Variants in PLXDC2 observed in about 807,000 individuals in gnomAD.
PLXDC2 encodes the protein plexin domain containing 2, also known as plexin domain-containing protein 2.
In PLXDC2, 40 loss-of-function variants were observed where a neutral mutation model predicts 68.9. The ratio of observed to expected loss-of-function variants is 0.58; its 90% confidence interval spans 0.45 to 0.76. PLXDC2 has a LOEUF of 0.76. Among genes scored for constraint, PLXDC2 ranks in the 30% least tolerant of loss-of-function variants. The probability of loss-of-function intolerance (pLI) is 0.00; values close to 1 mark genes in which losing one functional copy is unlikely to be tolerated. For missense variants in PLXDC2, 644 were observed against 661.9 expected (o/e 0.97, Z 0.30); for synonymous variants, 243 against 234.2 (o/e 1.04, Z -0.34).
rs78789230 is a variant in PLXDC2, at chr10:20,052,128, T to G, written c.471+5113T>G. Reference sequence around the variant, plus strand: ...ATTGGTAATATTAACTAGTTTCCATTTGAAAAAAAATGCTATGTGAACTCC... The same window carrying G: ...ATTGGTAATATTAACTAGTTTCCATGTGAAAAAAAATGCTATGTGAACTCC... On this transcript the variant is annotated intron_variant, in intron 3 of 13. Transcript: ENST00000377252. Among the ~76,000 whole-genome samples the G allele has an allele frequency of 1.3e-3, 201 of 152,086 alleles. 5 individuals carry two copies. In the East Asian group the frequency reaches 0.031, roughly 23 times the overall value.
chr10:19,997,371 G>T (rs1290149950), intron 1 of PLXDC2, among the ~76,000 whole-genome samples: 1 of 152,180 alleles, frequency 6.6e-6, no homozygotes, highest in Non-Finnish European at 1.5e-5. Flanking sequence ...TCTGCTTTCA[G>T]TGAACAATCT....
intron 2 of PLXDC2, among the ~76,000 whole-genome samples, chr10:20,032,114 C>A (rs1835510237): frequency 6.6e-6 from 1 of 152,088 alleles, no homozygotes; most frequent in African/African-American, 2.4e-5. Context: ...AGCCACCATG[C>A]CTGGCCCAGA....
chr10:20,001,884 G>A lies in PLXDC2; in HGVS notation c.222G>A (p.Ala74=), dbSNP rs564245930. Residue 74 remains alanine (A), a synonymous_variant, in exon 2 of 14, where the codon GCG becomes GCA. Coordinates refer to ENST00000377252, the MANE Select transcript of PLXDC2 (RefSeq NM_032812.9). Reference sequence around the variant, plus strand: ...AAAGAAACTTGGACTTTCTCAAGGCGGTAGACACGAACCGAGCAAGCGTCG... The same window carrying A: ...AAAGAAACTTGGACTTTCTCAAGGCAGTAGACACGAACCGAGCAAGCGTCG... The part of the protein sequence containing the change: ...RWKRNLDFLK[A]VDTNRASVGQ... The A allele has an allele frequency of 1.3e-5, 21 of 1,613,812 alleles. No homozygotes were observed. The highest frequency in any genetic ancestry group is 9.3e-5 in the African/African-American group (7 of 74,900).
At chr10:20,104,778 T>A (rs979010008) in intron 4 of PLXDC2, among the ~76,000 whole-genome samples, 22 of 151,826 alleles carry the variant, frequency 1.4e-4, no homozygotes, top group African/African-American at 4.6e-4. Flanking sequence ...TCAGGCCGGG[T>A]GTGGTGTCTC....
intron 4 of PLXDC2, among the ~76,000 whole-genome samples, chr10:20,106,126 A>T (rs751639929): frequency 3.9e-5 from 6 of 152,228 alleles, no homozygotes; most frequent in Non-Finnish European, 7.3e-5. Context: ...TGTTAACCAC[A>T]TTCATTTCCA....
chr10:20,280,077 T>C lies in PLXDC2; in HGVS notation c.*258T>C. On this transcript the variant is annotated 3_prime_UTR_variant, in exon 14 of 14. Coordinates refer to ENST00000377252, the MANE Select transcript of PLXDC2 (RefSeq NM_032812.9). ...TCATCTATAGTTCACTCGGAACATC[T>C]CCCGTGGACTTATCTGAAGTATGAC... 2.7e-6 allele frequency: 1 copy of C among 375,982 alleles called. No homozygotes were observed. The allele number at this position is 375,982 out of a possible 1,614,324, so 23.3% of individuals were successfully genotyped here.
At chr10:20,138,632 G>A (rs748348612) in intron 4 of PLXDC2, among the ~76,000 whole-genome samples, 4 of 152,188 alleles carry the variant, frequency 2.6e-5, no homozygotes, top group South Asian at 4.1e-4. Context: ...ATACATGAAG[G>A]TTGGGTGCAG....
rs532368764 is a variant in PLXDC2, at chr10:20,122,381, G to A, written c.542-20914G>A. ...GTGAGTTACCTGAAGCTCAGCGTCC[G>A]TGATGGTCTAGGGGGCTTTCGAGGC... On this transcript the variant is annotated intron_variant, in intron 4 of 13. Coordinates refer to ENST00000377252, the MANE Select transcript of PLXDC2 (RefSeq NM_032812.9). 1.1e-4 allele frequency among the ~76,000 whole-genome samples: 16 copies of A among 152,304 alleles called. No individual in the cohort carries two copies. In the East Asian group the frequency reaches 2.7e-3, roughly 26 times the overall value.
At chr10:19,835,587 A>C (rs1589491933) in intron 1 of PLXDC2, among the ~76,000 whole-genome samples, 1 of 152,110 alleles carries the variant, frequency 6.6e-6, no homozygotes, top group Non-Finnish European at 1.5e-5. Flanking sequence ...GGTGATGGGA[A>C]CCAGCCAGTG....
chr10:20,018,352 ACTT>A (rs1294972573), intron 2 of PLXDC2, among the ~76,000 whole-genome samples: 1 of 152,164 alleles, frequency 6.6e-6, no homozygotes, highest in Non-Finnish European at 1.5e-5. Flanking sequence ...TATATTCCAG[ACTT>A]CTTCTCTACT....
At chr10:19,840,382 C>G (rs1038853128) in intron 1 of PLXDC2, among the ~76,000 whole-genome samples, 3 of 152,000 alleles carry the variant, frequency 2.0e-5, no homozygotes, top group Non-Finnish European at 4.4e-5. Context: ...GCTATCTGGT[C>G]CAATCTCTTC....
chr10:19,927,674 C>G (rs1328205053), intron 1 of PLXDC2, among the ~76,000 whole-genome samples: 1 of 130,350 alleles, frequency 7.7e-6, no homozygotes, highest in Non-Finnish European at 1.5e-5. Context: ...GCACGCCAGC[C>G]TGGGTGACAG....
intron 6 of PLXDC2, among the ~76,000 whole-genome samples, chr10:20,154,304 C>A (rs921545857): frequency 4.6e-5 from 7 of 152,190 alleles, no homozygotes; most frequent in African/African-American, 1.4e-4. Flanking sequence ...GTGGCTCACG[C>A]CTGTGATCCC....
At chr10:20,130,074 G>A (rs1175877551) in intron 4 of PLXDC2, among the ~76,000 whole-genome samples, 2 of 151,268 alleles carry the variant, frequency 1.3e-5, no homozygotes, top group Non-Finnish European at 2.9e-5. Flanking sequence ...GATAAGAATT[G>A]CATTTAATAT....
chr10:20,151,531 A>T (rs1445844042), intron 6 of PLXDC2, among the ~76,000 whole-genome samples: 1 of 152,166 alleles, frequency 6.6e-6, no homozygotes, highest in African/African-American at 2.4e-5. Flanking sequence ...ATAAATCCAG[A>T]ATTTAATTTG....
intron 3 of PLXDC2, among the ~76,000 whole-genome samples, chr10:20,055,371 G>T (rs1163511515): frequency 6.6e-6 from 1 of 151,996 alleles, no homozygotes; most frequent in Non-Finnish European, 1.5e-5. Context: ...GCTGTTTATG[G>T]CGACTTTAGT....
intron 4 of PLXDC2, among the ~76,000 whole-genome samples, chr10:20,133,953 C>T (rs1052639407): frequency 6.6e-6 from 1 of 152,138 alleles, no homozygotes; most frequent in East Asian, 1.9e-4. Flanking sequence ...TGTCTTCAAG[C>T]TTGCTGATTC....
At chr10:19,987,581 C>T (rs1200207282) in intron 1 of PLXDC2, among the ~76,000 whole-genome samples, 1 of 149,450 alleles carries the variant, frequency 6.7e-6, no homozygotes, top group African/African-American at 2.5e-5. Context: ...TCTTTTTTTG[C>T]GGCGGAATCT....
intron 1 of PLXDC2, among the ~76,000 whole-genome samples, chr10:19,971,108 T>G (rs1438087125): frequency 1.3e-5 from 2 of 152,162 alleles, no homozygotes; most frequent in East Asian, 3.9e-4. Flanking sequence ...TAATATATGG[T>G]TAATTGATAA....
Sources: gnomAD v4.1 joint callset for allele counts (sites outside exome capture counted in the v4.1 genomes callset) on GRCh38, gnomAD v4.1.1 for gene constraint, MANE v1.5 for transcripts, NCBI Gene and HGNC (gene_info 2026-07-23, HGNC 2026-07-21) for gene names.